Variants in MLPH observed in about 807,000 individuals in gnomAD.
MLPH encodes the protein exophilin-3.
In MLPH, 51 loss-of-function variants were observed where a neutral mutation model predicts 72.1. The observed-to-expected ratio is 0.71, with a 90% CI of 0.56 to 0.89. The LOEUF (loss-of-function observed/expected upper bound fraction) is 0.89, where lower values mean the gene tolerates loss of function less well. Among genes scored for constraint, MLPH ranks in the 40% least tolerant of loss-of-function variants. The probability of loss-of-function intolerance (pLI) is 0.00; values close to 1 mark genes in which losing one functional copy is unlikely to be tolerated. For missense variants in MLPH, 743 were observed against 759.9 expected (o/e 0.98, Z 0.26); for synonymous variants, 301 against 310.1 (o/e 0.97, Z 0.31).
intron 14 of MLPH, chr2:237,552,096 C>T: frequency 2.0e-6 from 1 of 492,206 alleles, no homozygotes; most frequent in Non-Finnish European, 3.7e-6. Flanking sequence ...TTTCCAGGGC[C>T]ACAGTGAGGA....
chr2:237,497,694 TAACTCTTACA>T (rs57894330), intron 2 of MLPH, among the ~76,000 whole-genome samples: 21,709 of 152,108 alleles, frequency 0.14, 1,955 homozygotes, highest in African/African-American at 0.24. Context: ...AAACGGAAGA[TAACTCTTACA>T]ATAATGAACC....
At chr2:237,534,939 G>A (rs1001201865) in intron 9 of MLPH, among the ~76,000 whole-genome samples, 8 of 152,204 alleles carry the variant, frequency 5.3e-5, no homozygotes, top group Non-Finnish European at 7.3e-5. Context: ...CTGGAGATGG[G>A]AGGAAACTTG....
chr2:237,490,506 CT>C (rs2079408914), intron 1 of MLPH, among the ~76,000 whole-genome samples: 1 of 152,064 alleles, frequency 6.6e-6, no homozygotes, highest in Non-Finnish European at 1.5e-5. Context: ...CAGGTTTTTC[CT>C]TTTGTTTTGC....
intron 2 of MLPH, among the ~76,000 whole-genome samples, chr2:237,501,117 A>G (rs1356770286): frequency 1.3e-5 from 2 of 151,844 alleles, no homozygotes; most frequent in African/African-American, 4.8e-5. Flanking sequence ...CGCTTCTCCA[A>G]TGCCCAGTGA....
intron 4 of MLPH, among the ~76,000 whole-genome samples, chr2:237,514,022 A>C (rs1431671991): frequency 2.0e-5 from 3 of 152,230 alleles, no homozygotes; most frequent in African/African-American, 7.2e-5. Context: ...ACAGACCCAC[A>C]GATGCAGGGA....
intron 2 of MLPH, among the ~76,000 whole-genome samples, chr2:237,501,198 G>T (rs2079640031): frequency 6.6e-6 from 1 of 152,138 alleles, no homozygotes; most frequent in Non-Finnish European, 1.5e-5. Flanking sequence ...CTTTGGCGCT[G>T]TGTCACCAGC....
chr2:237,551,125 C>T (rs1005791736), intron 14 of MLPH, among the ~76,000 whole-genome samples: 1 of 151,884 alleles, frequency 6.6e-6, no homozygotes, highest in Non-Finnish European at 1.5e-5. Flanking sequence ...AGGCCAGCCC[C>T]GCACACTGGC....
chr2:237,529,214 T>C (rs1428417920), intron 8 of MLPH, among the ~76,000 whole-genome samples: 1 of 152,114 alleles, frequency 6.6e-6, no homozygotes. Context: ...GGCTAATTTT[T>C]GTATTTTTAG....
At chr2:237,508,738 C>T (rs960289678) in intron 2 of MLPH, among the ~76,000 whole-genome samples, 2 of 152,120 alleles carry the variant, frequency 1.3e-5, no homozygotes, top group Non-Finnish European at 1.5e-5. Context: ...TGTGATTTCT[C>T]GCCATCTCTG....
chr2:237,498,182 A>G (rs139879846), intron 2 of MLPH, among the ~76,000 whole-genome samples: 1 of 152,034 alleles, frequency 6.6e-6, no homozygotes, highest in South Asian at 2.1e-4. Flanking sequence ...AGTGCCCCAG[A>G]AACAAGTTTG....
chr2:237,501,542 C>G (rs2106475789), intron 2 of MLPH, among the ~76,000 whole-genome samples: 1 of 151,702 alleles, frequency 6.6e-6, no homozygotes, highest in Non-Finnish European at 1.5e-5. Context: ...ATAATTCACT[C>G]TAGGCCAGGT....
Position 237,502,916 on chromosome 2 carries a change from C to T in MLPH, c.111-7658C>T, listed in dbSNP as rs934229934. ...GGTGGTTCACCTGAGGTCAGGAGTT[C>T]GAGACCAGCCTGGTCAGCATGGCGA... On this transcript the variant is annotated intron_variant, in intron 2 of 15. Transcript: ENST00000264605. Among the ~76,000 whole-genome samples the T allele has an allele frequency of 1.8e-4, 28 of 151,996 alleles. 1 individual carries two copies. The highest frequency in any genetic ancestry group is 1.8e-4 in the Non-Finnish European group (12 of 67,978).
intron 8 of MLPH, among the ~76,000 whole-genome samples, chr2:237,532,653 T>C (rs2080445290): frequency 6.6e-6 from 1 of 152,214 alleles, no homozygotes; most frequent in African/African-American, 2.4e-5. Flanking sequence ...GCTCAAGGGG[T>C]TCCTACCTAG....
At chr2:237,545,519 T>C (rs1433373576) in intron 12 of MLPH, 2 of 1,289,010 alleles carry the variant, frequency 1.6e-6, no homozygotes, top group Non-Finnish European at 2.0e-6. Context: ...ACCCTGACAG[T>C]GTAAAATCCA....
At chr2:237,493,702 A>G (rs1052701363) in intron 2 of MLPH, among the ~76,000 whole-genome samples, 166 bp downstream of exon 2, 1 of 152,134 alleles carries the variant, frequency 6.6e-6, no homozygotes, top group Non-Finnish European at 1.5e-5. Context: ...TGGTTTTCTC[A>G]ATGAGAGGAT....
At chr2:237,525,463 C>G in intron 6 of MLPH, 138 bp from the exon 7 acceptor site, 1 of 775,344 alleles carries the variant, frequency 1.3e-6, no homozygotes, top group Non-Finnish European at 2.2e-6. Context: ...GTGGCAGGGG[C>G]CAGCGCAGAT....
intron 1 of MLPH, among the ~76,000 whole-genome samples, chr2:237,489,865 T>C (rs6761247): frequency 0.027 from 4,148 of 152,232 alleles, 75 homozygotes; most frequent in African/African-American, 0.052. Flanking sequence ...GATGACACAC[T>C]ACTGGAATTC....
At chr2:237,496,656 T>C (rs1455295856) in intron 2 of MLPH, among the ~76,000 whole-genome samples, 2 of 152,218 alleles carry the variant, frequency 1.3e-5, no homozygotes, top group African/African-American at 4.8e-5. Context: ...TGCCTGAGGC[T>C]GTTTGCTCAG....
intron 8 of MLPH, among the ~76,000 whole-genome samples, chr2:237,528,151 GCA>G (rs1012822474): frequency 3.9e-5 from 6 of 152,150 alleles, no homozygotes; most frequent in Admixed American, 3.3e-4. Flanking sequence ...TGTTGAATGG[GCA>G]CAGAGTCTCT....
Sources: allele counts gnomAD v4.1 joint callset (sites outside exome capture counted in the v4.1 genomes callset), GRCh38; gene constraint gnomAD v4.1.1; transcripts MANE v1.5; gene names NCBI Gene and HGNC (gene_info 2026-07-23, HGNC 2026-07-21).